Variants in SLC35F3 observed in about 807,000 individuals in gnomAD.
The protein encoded by SLC35F3 is putative thiamine transporter SLC35F3.
A neutral mutation model predicts 49.9 loss-of-function variants in SLC35F3; 25 were observed. That is an observed-to-expected ratio of 0.50 (90% CI 0.37 to 0.70). The LOEUF is 0.70. Among genes scored for constraint, SLC35F3 ranks in the 30% least tolerant of loss-of-function variants. SLC35F3 has a pLI of 0.00. For missense variants in SLC35F3, 525 were observed against 639.8 expected (o/e 0.82, Z 1.94); for synonymous variants, 275 against 265.4 (o/e 1.04, Z -0.35).
At chr1:234,131,087 C>T (rs562408664) in intron 2 of SLC35F3, among the ~76,000 whole-genome samples, 3 of 151,952 alleles carry the variant, frequency 2.0e-5, no homozygotes, top group African/African-American at 4.8e-5. Flanking sequence ...AGCTGATCTG[C>T]GATGTTAGAA....
At chr1:233,955,229 A>G (rs924249759) in intron 2 of SLC35F3, among the ~76,000 whole-genome samples, 3 of 152,212 alleles carry the variant, frequency 2.0e-5, no homozygotes, top group Admixed American at 6.5e-5. Context: ...TTGATTCTCA[A>G]CTGAGACAGC....
chr1:234,150,715 T>G (rs1453840000), intron 2 of SLC35F3, among the ~76,000 whole-genome samples: 2 of 152,010 alleles, frequency 1.3e-5, no homozygotes, highest in Non-Finnish European at 2.9e-5. Flanking sequence ...ATTCCTACAT[T>G]AAAATAAAGC....
At chr1:234,110,009 C>T (rs576971261) in intron 2 of SLC35F3, among the ~76,000 whole-genome samples, 4 of 151,706 alleles carry the variant, frequency 2.6e-5, no homozygotes, top group Admixed American at 6.6e-5. Context: ...AAGTGAAGGA[C>T]GGAAAGTGAA....
intron 2 of SLC35F3, among the ~76,000 whole-genome samples, chr1:234,205,040 C>A (rs1183932714): frequency 6.6e-6 from 1 of 152,160 alleles, no homozygotes; most frequent in Admixed American, 6.5e-5. Flanking sequence ...TGTAAGCCAA[C>A]AAATATGTGA....
At chr1:234,212,003 A>C (rs1255307158) in intron 2 of SLC35F3, among the ~76,000 whole-genome samples, 1 of 152,112 alleles carries the variant, frequency 6.6e-6, no homozygotes, top group African/African-American at 2.4e-5. Context: ...CATGATAGTG[A>C]ATAAGTTTCA....
intron 2 of SLC35F3, among the ~76,000 whole-genome samples, chr1:234,197,634 C>A (rs763840946): frequency 5.9e-5 from 9 of 152,218 alleles, no homozygotes; most frequent in Non-Finnish European, 1.3e-4. Flanking sequence ...AGGGGCAGTT[C>A]TCCTGCCCAC....
chr1:233,959,102 G>A (rs1038611826), intron 2 of SLC35F3, among the ~76,000 whole-genome samples: 10 of 152,086 alleles, frequency 6.6e-5, no homozygotes, highest in African/African-American at 9.7e-5. Context: ...TATTTTAATC[G>A]CTTATGGAAT....
At position 234,246,041 on chromosome 1, in the gene SLC35F3, G is replaced by A. The variant is rs546240601; in HGVS notation, c.608+14300G>A. 6.6e-5 allele frequency among the ~76,000 whole-genome samples: 10 copies of A among 152,294 alleles called. No homozygotes were observed. The South Asian group carries it at 2.1e-3, about 32-fold the overall frequency. ...AAGATCATCTCGGGGAAGAGTACAT[G>A]GAATGGGAGGTATTGCTGCTACCAC... On this transcript the variant is annotated intron_variant, in intron 3 of 7. Coordinates refer to ENST00000366618, the MANE Select transcript of SLC35F3 (RefSeq NM_173508.4).
At chr1:234,232,784 A>G (rs1213302773) in intron 3 of SLC35F3, among the ~76,000 whole-genome samples, 1 of 152,142 alleles carries the variant, frequency 6.6e-6, no homozygotes, top group East Asian at 1.9e-4. Flanking sequence ...GGGTCCAAGG[A>G]ACAAAGAGGT....
intron 2 of SLC35F3, among the ~76,000 whole-genome samples, chr1:233,972,066 C>T (rs553292616): frequency 3.3e-5 from 5 of 152,312 alleles, no homozygotes; most frequent in East Asian, 1.9e-4. Context: ...CATGGCTCCT[C>T]GGGTAACAGT....
At chr1:234,312,628 A>G (rs1258264935) in intron 4 of SLC35F3, among the ~76,000 whole-genome samples, 1 of 152,136 alleles carries the variant, frequency 6.6e-6, no homozygotes, top group Non-Finnish European at 1.5e-5. Context: ...GAAGGTGTGG[A>G]CTAGAGGATC....
Position 234,309,119 on chromosome 1 carries a change from T to C in SLC35F3, c.627T>C (p.Phe209=). 6.2e-7 allele frequency: 1 copy of C among 1,614,142 alleles called. No homozygotes were observed. The highest frequency in any genetic ancestry group is 8.5e-7 in the Non-Finnish European group (1 of 1,180,000). ...GTTTTAGGGAATGCTGTCGATTTTT[T>C]GGAGACAATGGCTTGACTTTGAAGG... ...KQRYRECCRF[F]GDNGLTLKVF... The change falls in exon 4 of 8, where the codon TTT becomes TTC. Residue 209 remains phenylalanine (F), a synonymous_variant. Coordinates refer to ENST00000366618, the MANE Select transcript of SLC35F3 (RefSeq NM_173508.4).
Position 234,100,314 on chromosome 1 carries a change from GT to G in SLC35F3, c.284-131102del, listed in dbSNP as rs1572052009. ...TTTCTCCAACGTCTGCCGAGAAACA[GT>G]CCCTCAGGCTTTGCTACAATATTTC... On this transcript the variant is annotated intron_variant, in intron 2 of 7. Coordinates refer to ENST00000366618, the MANE Select transcript of SLC35F3 (RefSeq NM_173508.4). 2.0e-5 allele frequency among the ~76,000 whole-genome samples: 3 copies of G among 152,240 alleles called. No homozygotes were observed. In the East Asian group the frequency reaches 5.8e-4, roughly 29 times the overall value.
At chr1:234,077,670 G>A (rs544564907) in intron 2 of SLC35F3, among the ~76,000 whole-genome samples, 1 of 152,272 alleles carries the variant, frequency 6.6e-6, no homozygotes, top group African/African-American at 2.4e-5. Flanking sequence ...CACGGATCAG[G>A]CACCCTTCAG....
In SLC35F3 at chr1:233,910,201, C is replaced by T. The variant is rs191150045; in HGVS notation, c.283+4443C>T. Among the ~76,000 whole-genome samples, 54 of 152,348 alleles carry T rather than the reference C, an allele frequency of 3.5e-4. No individual in the cohort carries two copies. The East Asian group carries it at 9.6e-3, about 27-fold the overall frequency. ...GAGAAATGACTGATTAGAATATCTTCTGCTTCCTTTTCCTTTCTCATTTCT... is the reference window on the plus strand; with the variant it reads ...GAGAAATGACTGATTAGAATATCTTTTGCTTCCTTTTCCTTTCTCATTTCT... On this transcript the variant is annotated intron_variant, in intron 2 of 7. Coordinates refer to ENST00000366618, the MANE Select transcript of SLC35F3 (RefSeq NM_173508.4).
chr1:234,098,969 G>C (rs1324810599), intron 2 of SLC35F3, among the ~76,000 whole-genome samples: 1 of 152,094 alleles, frequency 6.6e-6, no homozygotes, highest in Non-Finnish European at 1.5e-5. Context: ...GATGATGGAG[G>C]TGGTGACTGT....
chr1:234,296,320 A>T (rs189454777), intron 3 of SLC35F3, among the ~76,000 whole-genome samples: 9 of 152,314 alleles, frequency 5.9e-5, no homozygotes, highest in Admixed American at 5.2e-4. Flanking sequence ...CTGCTTCAAA[A>T]AAAAAAACCT....
At chr1:233,969,885 C>T (rs1662965640) in intron 2 of SLC35F3, among the ~76,000 whole-genome samples, 1 of 152,174 alleles carries the variant, frequency 6.6e-6, no homozygotes, top group Non-Finnish European at 1.5e-5. Context: ...CACACCTTCC[C>T]TCCAGGCAGG....
chr1:234,051,751 A>AT (rs1664381152), intron 2 of SLC35F3, among the ~76,000 whole-genome samples: 1 of 152,142 alleles, frequency 6.6e-6, no homozygotes. Context: ...GTTTTTGCCC[A>AT]TTCAGTATGA....
Sources: allele counts gnomAD v4.1 joint callset (sites outside exome capture counted in the v4.1 genomes callset), GRCh38; gene constraint gnomAD v4.1.1; transcripts MANE v1.5; gene names NCBI Gene and HGNC (gene_info 2026-07-23, HGNC 2026-07-21).